Variants in LHFPL6 observed in about 807,000 individuals in gnomAD.
LHFPL6 encodes the protein LHFPL tetraspan subfamily member 6, also known as LHFPL tetraspan subfamily member 6 protein.
A neutral mutation model predicts 20.6 loss-of-function variants in LHFPL6; 9 were observed. That is an observed-to-expected ratio of 0.44 (90% CI 0.26 to 0.76). The LOEUF (loss-of-function observed/expected upper bound fraction) is 0.76, where lower values mean the gene tolerates loss of function less well. Ranked by LOEUF, LHFPL6 falls within the 30% of genes least tolerant of loss-of-function variation. LHFPL6 has a pLI of 0.20. For synonymous variants in LHFPL6, 105 were observed against 98.7 expected, an observed-to-expected ratio of 1.06 and a Z score of -0.38; for missense variants, 218 against 253.5, an observed-to-expected ratio of 0.86 and a Z score of 0.95.
chr13:39,601,891 T>C (rs574552177), intron 1 of LHFPL6, among the ~76,000 whole-genome samples: 25 of 152,194 alleles, frequency 1.6e-4, no homozygotes, highest in Non-Finnish European at 3.1e-4. Flanking sequence ...CAGAGTACCA[T>C]AAATTTAACA....
At chr13:39,543,620 A>G (rs1189025438) in intron 2 of LHFPL6, among the ~76,000 whole-genome samples, 1 of 122,282 alleles carries the variant, frequency 8.2e-6, no homozygotes, top group African/African-American at 3.2e-5. Flanking sequence ...CCCGCAGACA[A>G]AAATTTTTAC....
At chr13:39,525,866 C>CT (rs11432667) in intron 2 of LHFPL6, among the ~76,000 whole-genome samples, 116,620 of 149,380 alleles carry the variant, frequency 0.78, 45,510 homozygotes, top group Middle Eastern at 0.83. Flanking sequence ...ATAATTTTTC[C>CT]TTTTTTTTTT....
intron 2 of LHFPL6, among the ~76,000 whole-genome samples, chr13:39,412,899 T>G (rs1215607569): frequency 6.9e-6 from 1 of 144,996 alleles, no homozygotes; most frequent in Non-Finnish European, 1.5e-5. Context: ...TCCAGCCTGG[T>G]CAACAGAGCA....
chr13:39,378,558 A>C (rs373398389), intron 2 of LHFPL6, 32 bp from the exon 3 acceptor site: 7 of 1,512,432 alleles, frequency 4.6e-6, no homozygotes, highest in Non-Finnish European at 6.4e-6. Flanking sequence ...GGGCTTTACC[A>C]GTGCTTCTCT....
chr13:39,564,170 G>C (rs925411920), intron 2 of LHFPL6, among the ~76,000 whole-genome samples: 2 of 152,068 alleles, frequency 1.3e-5, no homozygotes, highest in Non-Finnish European at 2.9e-5. Context: ...CAAATCCGCA[G>C]ACAAATTGTC....
In LHFPL6 at chr13:39,412,335, A is replaced by G. The variant is rs568185742; in HGVS notation, c.386-33809T>C. The stretch of plus-strand genomic sequence containing the variant: ...TGTATTGGGGAATTAGCAGACAGAA[A>G]TTTTACCAAGCAATTTTAGATTTTT... On this transcript the variant is annotated intron_variant, in intron 2 of 3. Transcript: ENST00000379589. Among the ~76,000 whole-genome samples the G allele has an allele frequency of 1.2e-4, 19 of 152,318 alleles. No individual in the cohort carries two copies. In the South Asian group the frequency reaches 3.9e-3, roughly 32 times the overall value.
intron 3 of LHFPL6, among the ~76,000 whole-genome samples, chr13:39,362,570 T>C (rs986122032): frequency 7.9e-5 from 12 of 152,230 alleles, no homozygotes; most frequent in African/African-American, 2.7e-4. Flanking sequence ...AATAAACATA[T>C]TGACCATATG....
intron 2 of LHFPL6, among the ~76,000 whole-genome samples, chr13:39,480,417 A>G (rs1269318410): frequency 6.6e-6 from 1 of 152,180 alleles, no homozygotes; most frequent in African/African-American, 2.4e-5. Flanking sequence ...TTCCTCCTCA[A>G]CTGGCCCTGT....
chr13:39,540,521 G>A (rs542549697), intron 2 of LHFPL6, among the ~76,000 whole-genome samples: 1 of 152,170 alleles, frequency 6.6e-6, no homozygotes, highest in African/African-American at 2.4e-5. Context: ...GACAAGAGAA[G>A]GGGAAATTTA....
intron 2 of LHFPL6, among the ~76,000 whole-genome samples, chr13:39,453,338 G>A (rs1216790610): frequency 6.6e-6 from 1 of 152,184 alleles, no homozygotes; most frequent in Non-Finnish European, 1.5e-5. Flanking sequence ...AAATTAAGAG[G>A]ATGAATGAAG....
chr13:39,459,369 TTC>T (rs779849538), intron 2 of LHFPL6, among the ~76,000 whole-genome samples: 1 of 152,050 alleles, frequency 6.6e-6, no homozygotes, highest in Non-Finnish European at 1.5e-5. Flanking sequence ...GGTTTTTCCT[TTC>T]TCTCTCCTTC....
chr13:39,520,802 G>A (rs950140353), intron 2 of LHFPL6, among the ~76,000 whole-genome samples: 2 of 152,130 alleles, frequency 1.3e-5, no homozygotes, highest in Non-Finnish European at 2.9e-5. Context: ...AACCCTGACT[G>A]CACATTAGAA....
intron 2 of LHFPL6, among the ~76,000 whole-genome samples, chr13:39,467,024 C>T (rs749910066): frequency 6.6e-6 from 1 of 152,036 alleles, no homozygotes; most frequent in Non-Finnish European, 1.5e-5. Flanking sequence ...GTGTGCCACG[C>T]GAATAGAAAA....
intron 3 of LHFPL6, among the ~76,000 whole-genome samples, chr13:39,376,644 T>C (rs1387995449): frequency 6.6e-6 from 1 of 151,930 alleles, no homozygotes; most frequent in Non-Finnish European, 1.5e-5. Flanking sequence ...TCTAACAGAA[T>C]TTTTTTTCAT....
chr13:39,594,662 G>A (rs1872715381), intron 2 of LHFPL6, among the ~76,000 whole-genome samples: 1 of 152,152 alleles, frequency 6.6e-6, no homozygotes, highest in Non-Finnish European at 1.5e-5. Flanking sequence ...AAAGACACAT[G>A]CACACATATG....
chr13:39,466,739 T>G (rs1872814525), intron 2 of LHFPL6, among the ~76,000 whole-genome samples: 1 of 152,228 alleles, frequency 6.6e-6, no homozygotes. Flanking sequence ...GAGGATATAT[T>G]AATATAGAAG....
At chr13:39,531,181 C>A (rs1428466031) in intron 2 of LHFPL6, among the ~76,000 whole-genome samples, 1 of 152,118 alleles carries the variant, frequency 6.6e-6, no homozygotes, top group African/African-American at 2.4e-5. Context: ...TTTGGCAGAA[C>A]TTAAGAGTAA....
chr13:39,348,299 G>T (rs185138986), intron 3 of LHFPL6, among the ~76,000 whole-genome samples: 1 of 152,096 alleles, frequency 6.6e-6, no homozygotes, highest in South Asian at 2.1e-4. Context: ...TATTTGCAAC[G>T]CTCTTCAGAG....
intron 2 of LHFPL6, among the ~76,000 whole-genome samples, chr13:39,472,145 T>G (rs1483538307): frequency 1.3e-5 from 2 of 152,192 alleles, no homozygotes; most frequent in South Asian, 2.1e-4. Flanking sequence ...GTCCTAGACG[T>G]AGTAGTTTAG....
Sources: allele counts gnomAD v4.1 joint callset (sites outside exome capture counted in the v4.1 genomes callset), GRCh38; gene constraint gnomAD v4.1.1; transcripts MANE v1.5; gene names NCBI Gene and HGNC (gene_info 2026-07-23, HGNC 2026-07-21).